The following GRIN1 variants were observed in gnomAD, a reference collection of about 807,000 sequenced individuals.
GRIN1 encodes glutamate ionotropic receptor NMDA type subunit 1, also known as glutamate receptor ionotropic, NMDA 1.
GRIN1 carries 38 observed loss-of-function variants against 103.0 expected under a neutral mutation model. The observed-to-expected ratio is 0.37, with a 90% CI of 0.28 to 0.48. The LOEUF (loss-of-function observed/expected upper bound fraction) is 0.48, where lower values mean the gene tolerates loss of function less well. GRIN1 is among the 20% of genes least tolerant of loss of function. The pLI, the probability that GRIN1 is intolerant of heterozygous loss-of-function variation, is 0.98. For synonymous variants in GRIN1, 544 were observed against 532.7 expected, an observed-to-expected ratio of 1.02 and a Z score of -0.29; for missense variants, 577 against 1,288.9, an observed-to-expected ratio of 0.45 and a Z score of 8.46.
chr9:137,142,721 G>C (rs1832243825), intron 2 of GRIN1, among the ~76,000 whole-genome samples: 1 of 152,254 alleles, frequency 6.6e-6, no homozygotes, highest in African/African-American at 2.4e-5. Context: ...CAGGAGGAAA[G>C]GGGTGTGCAC....
Position 137,148,989 on chromosome 9 carries a change from C to T in GRIN1, c.571-20C>T. ...GTCCCCTGCCCCAGCCGCCTGCTAA[C>T]ACTCTTGCTCACACCGCAGGCAGAG... On this transcript the variant is annotated intron_variant, in intron 3 of 19. Coordinates refer to ENST00000371561, the MANE Select transcript of GRIN1 (RefSeq NM_007327.4). 1.3e-6 allele frequency: 2 copies of T among 1,576,676 alleles called. No individual in the cohort carries two copies. Among genetic ancestry groups the T allele is most frequent in the Non-Finnish European group, 8.7e-7 (1 of 1,149,164 alleles).
At position 137,167,794 on chromosome 9, in the gene GRIN1, C is replaced by T; in HGVS notation, c.*267C>T. The T allele has an allele frequency of 6.2e-7, 1 of 1,612,220 alleles. No individual in the cohort carries two copies. Among genetic ancestry groups the T allele is most frequent in the Non-Finnish European group, 8.5e-7 (1 of 1,179,612 alleles). ...TGCAGCAGTACCATCCCACTGATATCACGGGCCCGCTCAACCTCTCAGATC... is the reference window on the plus strand; with the variant it reads ...TGCAGCAGTACCATCCCACTGATATTACGGGCCCGCTCAACCTCTCAGATC... On this transcript the variant is annotated 3_prime_UTR_variant, in exon 20 of 20. Transcript: ENST00000371561.
chr9:137,150,682 G>A lies in GRIN1; in HGVS notation c.671+1573G>A, dbSNP rs369196142. ...GAAAGCTCCGCCCAGGGAAAGCCCCGCCCAGAAAAAAAGACCTGCCCAGGG... is the reference window on the plus strand; with the variant it reads ...GAAAGCTCCGCCCAGGGAAAGCCCCACCCAGAAAAAAAGACCTGCCCAGGG... On this transcript the variant is annotated intron_variant, in intron 4 of 19. Transcript: ENST00000371561. Among the ~76,000 whole-genome samples, 53 of 121,182 alleles carry A rather than the reference G, an allele frequency of 4.4e-4. No homozygotes were observed. The East Asian group carries it at 0.012, about 28-fold the overall frequency. The allele number at this position is 121,182 out of a possible 152,430, so 79.5% of individuals were successfully genotyped here.
intron 4 of GRIN1, 33 bp downstream of exon 4, chr9:137,149,142 C>G: frequency 7.2e-7 from 1 of 1,393,244 alleles, no homozygotes; most frequent in Non-Finnish European, 1.0e-6. Context: ...ACACTCCACA[C>G]AGGATGGTAC....
rs79570612 is a variant in GRIN1, at chr9:137,163,241, G to C, written c.2244G>C (p.Thr748=). Residue 748 remains threonine (T), a synonymous_variant, in exon 16 of 20, where the codon ACG becomes ACC. Coordinates refer to ENST00000371561, the MANE Select transcript of GRIN1 (RefSeq NM_007327.4). ...CCTCGCAGAAGTGCGACCTGGTGAC[G>C]ACTGGAGAGCTGTTTTTCCGCTCGG... ...FEASQKCDLV[T]TGELFFRSGF... is the part of the protein sequence containing the mutation. The C allele has an allele frequency of 3.1e-3, 5,081 of 1,613,720 alleles. 103 individuals are homozygous for C. In the African/African-American group the frequency reaches 0.054, roughly 17 times the overall value.
At chr9:137,150,073 G>C (rs1004446192) in intron 4 of GRIN1, among the ~76,000 whole-genome samples, 8 of 152,298 alleles carry the variant, frequency 5.3e-5, no homozygotes, top group Admixed American at 3.9e-4. Context: ...TTGTTGCTTA[G>C]AGCTGCCCAC....
In GRIN1 at chr9:137,161,100, G is replaced by A. The variant is rs759567907; in HGVS notation, c.1242G>A (p.Thr414=). ...AGCCCTTCGTGTACGTCAAGCCCAC[G>A]CTGAGTGATGGGACATGCAAGGAGG... The part of the protein sequence containing the change: ...HQEPFVYVKP[T]LSDGTCKEEF... Residue 414 remains threonine, a synonymous_variant, in exon 9 of 20, where the codon ACG becomes ACA. Coordinates refer to ENST00000371561, the MANE Select transcript of GRIN1 (RefSeq NM_007327.4). 2.5e-6 allele frequency: 4 copies of A among 1,612,986 alleles called. No individual in the cohort carries two copies. The highest frequency in any genetic ancestry group is 3.4e-6 in the Non-Finnish European group (4 of 1,179,922).
intron 6 of GRIN1, among the ~76,000 whole-genome samples, chr9:137,157,353 C>T (rs1006832810): frequency 6.6e-6 from 1 of 152,160 alleles, no homozygotes; most frequent in African/African-American, 2.4e-5. Context: ...TCCCCCCACA[C>T]CCCCAGCACC....
chr9:137,161,416 G>A lies in GRIN1; in HGVS notation c.1467G>A (p.Arg489=), dbSNP rs772351282. 1 of 1,611,562 alleles carries A rather than the reference G, an allele frequency of 6.2e-7. No homozygotes were observed. The highest frequency in any genetic ancestry group is 8.5e-7 in the Non-Finnish European group (1 of 1,179,356). The part of the protein sequence containing the change: ...VADGKFGTQE[R]VNNSNKKEWN... ...ATGGCAAGTTCGGCACACAGGAGCG[G>A]GTAGGCTGGACGGCGGGGGTGGGGA... is the stretch of plus-strand genomic sequence containing the variant. Residue 489 remains arginine, a splice_region_variant and synonymous_variant, in exon 10 of 20, where the codon CGG becomes CGA. Coordinates refer to ENST00000371561, the MANE Select transcript of GRIN1 (RefSeq NM_007327.4).
intron 14 of GRIN1, 48 bp from the exon 15 acceptor site, chr9:137,162,798 A>C (rs766538580): frequency 6.2e-7 from 1 of 1,606,250 alleles, no homozygotes; most frequent in South Asian, 1.1e-5. Flanking sequence ...GGCCTCGGTT[A>C]GGGGCCTGGG....
At chr9:137,151,139 G>A (rs142039431) in intron 4 of GRIN1, among the ~76,000 whole-genome samples, 316 of 108,238 alleles carry the variant, frequency 2.9e-3, no homozygotes, top group African/African-American at 0.01. Flanking sequence ...GGAAAGCCCT[G>A]CCCAGAAAAA....
At position 137,162,661 on chromosome 9, in the gene GRIN1, C is replaced by T. The variant is rs748632219; in HGVS notation, c.1935C>T (p.Ala645=). 6.2e-7 allele frequency: 1 copy of T among 1,612,168 alleles called. No individual in the cohort carries two copies. The highest frequency in any genetic ancestry group is 8.5e-7 in the Non-Finnish European group (1 of 1,179,528). The change falls in exon 14 of 20, where the codon GCC becomes GCT. Residue 645 remains alanine (A), a synonymous_variant. Coordinates refer to ENST00000371561, the MANE Select transcript of GRIN1 (RefSeq NM_007327.4). ...CCGGCTTTGCCATGATCATCGTGGC[C>T]TCCTACACCGCCAACCTGGCGGCCT... ...VWAGFAMIIV[A]SYTANLAAFL...
At chr9:137,153,538 T>A (rs1360416727) in intron 4 of GRIN1, among the ~76,000 whole-genome samples, 1 of 151,988 alleles carries the variant, frequency 6.6e-6, no homozygotes, top group Non-Finnish European at 1.5e-5. Flanking sequence ...ACCACATGTG[T>A]ACACACATGC....
rs759167551 is a variant in GRIN1, at chr9:137,142,164, G to A, written c.393+17G>A. 1 of 1,613,622 alleles carries A rather than the reference G, an allele frequency of 6.2e-7. No homozygotes were observed. Among genetic ancestry groups the A allele is most frequent in the Non-Finnish European group, 8.5e-7 (1 of 1,179,948 alleles). Reference sequence around the variant, plus strand: ...TCGGACAAGGTAAGCCTGACTGCCAGACCAGGCCTTCCGGCCCTCGGCCCC... The same window carrying A: ...TCGGACAAGGTAAGCCTGACTGCCAAACCAGGCCTTCCGGCCCTCGGCCCC... On this transcript the variant is annotated intron_variant, in intron 2 of 19. Transcript: ENST00000371561.
rs188486902 is a variant in GRIN1 at position 137,144,426 on chromosome 9, G to C, written c.394-1300G>C. ...TCCCAGCACTTTGGGAGGCCGAGGC[G>C]GGCGGATCACGAGGTCAGGAGATCG... On this transcript the variant is annotated intron_variant, in intron 2 of 19. Transcript: ENST00000371561. Among the ~76,000 whole-genome samples the C allele has an allele frequency of 9.9e-5, 15 of 151,528 alleles. No individual in the cohort carries two copies. In the South Asian group the frequency reaches 1.9e-3, roughly 19 times the overall value.
In GRIN1 at chr9:137,156,978, C is replaced by T. The variant is rs1564357777; in HGVS notation, c.909C>T (p.Asp303=). Residue 303 remains aspartate, a synonymous_variant, in exon 6 of 20, where the codon GAC becomes GAT. Coordinates refer to ENST00000371561, the MANE Select transcript of GRIN1 (RefSeq NM_007327.4). ...TCCTCGAGAAGGAGAACATCACCGACCCGCCGCGGGGCTGCGTGGGCAACA... is the reference window on the plus strand; with the variant it reads ...TCCTCGAGAAGGAGAACATCACCGATCCGCCGCGGGGCTGCGTGGGCAACA... The part of the protein sequence containing the change: ...HELLEKENIT[D]PPRGCVGNTN... 1 of 1,612,288 alleles carries T rather than the reference C, an allele frequency of 6.2e-7. No individual in the cohort carries two copies. Among genetic ancestry groups the T allele is most frequent in the African/African-American group, 1.3e-5 (1 of 75,064 alleles).
At chr9:137,166,624 T>C (rs962716502) in intron 19 of GRIN1, among the ~76,000 whole-genome samples, 4 of 152,168 alleles carry the variant, frequency 2.6e-5, no homozygotes, top group African/African-American at 9.7e-5. Context: ...GAGGGACCCA[T>C]GAGGCCTGGC....
chr9:137,156,552 T>C (rs1371038139), intron 4 of GRIN1, 117 bp from the exon 5 acceptor site: 5 of 1,443,730 alleles, frequency 3.5e-6, no homozygotes, highest in Non-Finnish European at 4.7e-6. Context: ...CAGGCTTCGC[T>C]CTAGGAGGGG....
At chr9:137,158,586 C>T (rs760856926) in intron 7 of GRIN1, 35 bp from the exon 8 acceptor site, 12 of 1,606,286 alleles carry the variant, frequency 7.5e-6, no homozygotes, top group Non-Finnish European at 9.4e-6. Context: ...AAGACCCCTG[C>T]GTGGCCACCC....
Sources: allele counts gnomAD v4.1 joint callset (sites outside exome capture counted in the v4.1 genomes callset), GRCh38; gene constraint gnomAD v4.1.1; transcripts MANE v1.5; gene names NCBI Gene and HGNC (gene_info 2026-07-23, HGNC 2026-07-21).